The following BORCS5 variants were observed in gnomAD, a reference collection of about 807,000 sequenced individuals.
BORCS5 encodes BLOC-1-related complex subunit 5.
In BORCS5, 17 loss-of-function variants were observed where a neutral mutation model predicts 22.1. That is an observed-to-expected ratio of 0.77 (90% CI 0.53 to 1.15). BORCS5 has a LOEUF of 1.15. BORCS5 is among the 50% of genes most tolerant of loss of function. BORCS5 has a pLI of 0.00. For synonymous variants in BORCS5, 117 were observed against 99.8 expected, an observed-to-expected ratio of 1.17 and a Z score of -1.03; for missense variants, 247 against 253.2, an observed-to-expected ratio of 0.98 and a Z score of 0.17.
intron 2 of BORCS5, among the ~76,000 whole-genome samples, chr12:12,408,654 T>C (rs2136082299): frequency 6.6e-6 from 1 of 152,362 alleles, no homozygotes; most frequent in Admixed American, 6.5e-5. Context: ...TCATTCAGTG[T>C]TTGCTTGTGA....
At chr12:12,465,235 A>G (rs1399573476) in intron 3 of BORCS5, among the ~76,000 whole-genome samples, 1 of 152,162 alleles carries the variant, frequency 6.6e-6, no homozygotes. Context: ...GGCCTGACTG[A>G]TTTCCACATC....
At chr12:12,403,975 C>A (rs566974571) in intron 2 of BORCS5, among the ~76,000 whole-genome samples, 1 of 152,016 alleles carries the variant, frequency 6.6e-6, no homozygotes, top group Non-Finnish European at 1.5e-5. Flanking sequence ...CTTGTAGTTC[C>A]GTATAACTGC....
In BORCS5 at chr12:12,357,523, C is replaced by T. The variant is rs771989856; in HGVS notation, c.58+14C>T. On this transcript the variant is annotated intron_variant, in intron 1 of 3. Transcript: ENST00000314565. ...TGAACTCCTCAGGTCGGTGTCCTAA[C>T]CTCCCACCCTCCTCCAGCCCGCCCT... 15 of 1,601,610 alleles carry T rather than the reference C, an allele frequency of 9.4e-6. No homozygotes were observed. Among genetic ancestry groups the T allele is most frequent in the Non-Finnish European group, 1.1e-5 (13 of 1,170,288 alleles).
In BORCS5 at chr12:12,435,743, C is replaced by A. The variant is rs781153335; in HGVS notation, c.318C>A (p.Ala106=). 2 of 1,613,726 alleles carry A rather than the reference C, an allele frequency of 1.2e-6. No homozygotes were observed. The highest frequency in any genetic ancestry group is 1.7e-6 in the Non-Finnish European group (2 of 1,179,926). The stretch of plus-strand genomic sequence containing the variant: ...ATCACCTGCATCAGTGTGCAGAGGC[C>A]GTTGCTTTTGACCAGAATGCTTTGG... ...YQDHLHQCAE[A]VAFDQNALVK... is the part of the protein sequence containing the mutation. Residue 106 remains alanine, a synonymous_variant, in exon 3 of 4, where the codon GCC becomes GCA. Transcript: ENST00000314565.
intron 2 of BORCS5, among the ~76,000 whole-genome samples, chr12:12,423,438 C>CT (rs939681383): frequency 0.069 from 3,932 of 57,174 alleles, 1,024 homozygotes; most frequent in East Asian, 0.32. Flanking sequence ...ACTCCCTCAG[C>CT]TTTTTTTTTT....
intron 2 of BORCS5, among the ~76,000 whole-genome samples, chr12:12,414,690 A>AC (rs1266094128): frequency 0.11 from 7,736 of 69,798 alleles, 630 homozygotes; most frequent in African/African-American, 0.26. Context: ...CGGGGGGCTG[A>AC]CCCCCCCCAC....
intron 2 of BORCS5, among the ~76,000 whole-genome samples, chr12:12,383,050 A>G (rs1389071013): frequency 2.0e-5 from 3 of 151,066 alleles, no homozygotes; most frequent in Admixed American, 6.6e-5. Flanking sequence ...ATTCTTGTCT[A>G]TTTTGTTTCT....
chr12:12,420,080 T>C (rs1452723729), intron 2 of BORCS5, among the ~76,000 whole-genome samples: 1 of 151,720 alleles, frequency 6.6e-6, no homozygotes, highest in African/African-American at 2.4e-5. Context: ...TTGGCTTTTG[T>C]TGCCATTGCT....
intron 2 of BORCS5, among the ~76,000 whole-genome samples, chr12:12,409,500 A>G (rs1219997766): frequency 6.6e-6 from 1 of 152,098 alleles, no homozygotes; most frequent in East Asian, 1.9e-4. Flanking sequence ...TGTCCTTGCA[A>G]TAGTTTGCTG....
At chr12:12,366,141 A>G (rs141177406) in intron 2 of BORCS5, among the ~76,000 whole-genome samples, 43 of 152,310 alleles carry the variant, frequency 2.8e-4, no homozygotes, top group African/African-American at 1.0e-3. Flanking sequence ...ATTCCTCAAA[A>G]TAGTAAAAAG....
intron 3 of BORCS5, among the ~76,000 whole-genome samples, chr12:12,446,453 A>G (rs917130143): frequency 1.3e-5 from 2 of 152,208 alleles, no homozygotes; most frequent in East Asian, 1.9e-4. Context: ...GGCAACCCCA[A>G]ATCCCAAGAT....
At chr12:12,443,455 C>A (rs922139144) in intron 3 of BORCS5, among the ~76,000 whole-genome samples, 1 of 152,192 alleles carries the variant, frequency 6.6e-6, no homozygotes, top group South Asian at 2.1e-4. Context: ...GTAAGAAATA[C>A]AACTGGTCCC....
At chr12:12,372,027 G>A (rs1237862527) in intron 2 of BORCS5, among the ~76,000 whole-genome samples, 1 of 152,020 alleles carries the variant, frequency 6.6e-6, no homozygotes, top group Non-Finnish European at 1.5e-5. Flanking sequence ...GAACGTATGA[G>A]TACTTCAATT....
At chr12:12,461,182 C>A (rs1357561998) in intron 3 of BORCS5, among the ~76,000 whole-genome samples, 1 of 149,770 alleles carries the variant, frequency 6.7e-6, no homozygotes, top group Non-Finnish European at 1.5e-5. Flanking sequence ...TTTTTTTTCC[C>A]CCTGGGATAG....
intron 2 of BORCS5, among the ~76,000 whole-genome samples, chr12:12,404,453 G>A (rs540773599): frequency 1.3e-5 from 2 of 152,268 alleles, no homozygotes; most frequent in South Asian, 4.1e-4. Flanking sequence ...AAAAACAGGA[G>A]TAACTCCCCT....
chr12:12,456,153 G>A (rs1459171943), intron 3 of BORCS5, among the ~76,000 whole-genome samples: 1 of 152,214 alleles, frequency 6.6e-6, no homozygotes, highest in Admixed American at 6.5e-5. Context: ...GCATAGTGAG[G>A]CCAGGTGTGG....
chr12:12,384,305 T>C (rs1429351751), intron 2 of BORCS5, among the ~76,000 whole-genome samples: 1 of 150,664 alleles, frequency 6.6e-6, no homozygotes, highest in African/African-American at 2.4e-5. Context: ...ATATATATAA[T>C]TTCTGTCTCC....
intron 2 of BORCS5, among the ~76,000 whole-genome samples, chr12:12,392,815 C>T (rs1941230543): frequency 6.6e-6 from 1 of 152,076 alleles, no homozygotes; most frequent in Non-Finnish European, 1.5e-5. Flanking sequence ...ATCACTGGGA[C>T]TTTATAAAAT....
chr12:12,462,217 TCTC>T (rs1238885524), intron 3 of BORCS5, among the ~76,000 whole-genome samples: 3 of 152,228 alleles, frequency 2.0e-5, no homozygotes, highest in African/African-American at 7.2e-5. Context: ...ATGATAATGT[TCTC>T]CTTGCAGAAT....
Sources: gnomAD v4.1 joint callset for allele counts (sites outside exome capture counted in the v4.1 genomes callset) on GRCh38, gnomAD v4.1.1 for gene constraint, MANE v1.5 for transcripts, NCBI Gene and HGNC (gene_info 2026-07-23, HGNC 2026-07-21) for gene names.